Variants in GPC5 observed in about 807,000 individuals in gnomAD.
GPC5 encodes the protein glypican-5.
GPC5 carries 47 observed loss-of-function variants against 53.9 expected under a neutral mutation model. That is an observed-to-expected ratio of 0.87 (90% CI 0.69 to 1.11). The LOEUF (loss-of-function observed/expected upper bound fraction) is 1.11, where lower values mean the gene tolerates loss of function less well. Ranked by LOEUF, GPC5 falls within the 50% of genes most tolerant of loss-of-function variation. GPC5 has a pLI of 0.00. For missense variants in GPC5, 748 were observed against 713.1 expected, an observed-to-expected ratio of 1.05 and a Z score of -0.56; for synonymous variants, 286 against 263.3, an observed-to-expected ratio of 1.09 and a Z score of -0.84.
chr13:91,512,893 C>T (rs545193270), intron 2 of GPC5, among the ~76,000 whole-genome samples: 1 of 152,228 alleles, frequency 6.6e-6, no homozygotes, highest in African/African-American at 2.4e-5. Context: ...GCTTATCCAG[C>T]TTGGTTCTCA....
intron 6 of GPC5, among the ~76,000 whole-genome samples, chr13:92,118,780 T>G (rs2041621271): frequency 6.6e-6 from 1 of 152,222 alleles, no homozygotes; most frequent in South Asian, 2.1e-4. Context: ...TCAATTTCAA[T>G]CAGTAGGAGA....
intron 7 of GPC5, chr13:92,721,726 A>G (rs1388965363): frequency 2.0e-5 from 3 of 152,048 alleles, no homozygotes; most frequent in African/African-American, 7.2e-5. Flanking sequence ...TGGGGAAAAT[A>G]CTTTCCAGTG....
At chr13:92,765,173 G>A (rs1255172963) in intron 7 of GPC5, among the ~76,000 whole-genome samples, 1 of 152,072 alleles carries the variant, frequency 6.6e-6, no homozygotes, top group African/African-American at 2.4e-5. Flanking sequence ...TTAATAAGCT[G>A]CCACGTAGAA....
chr13:91,764,527 G>C (rs942700906), intron 5 of GPC5, among the ~76,000 whole-genome samples: 1 of 152,108 alleles, frequency 6.6e-6, no homozygotes, highest in African/African-American at 2.4e-5. Context: ...CACTATTAGT[G>C]CCTGAAGGCT....
chr13:92,398,920 C>G (rs1354084492), intron 7 of GPC5, among the ~76,000 whole-genome samples: 1 of 152,168 alleles, frequency 6.6e-6, no homozygotes, highest in Non-Finnish European at 1.5e-5. Context: ...CCTTTCCATC[C>G]TAACCTAGAT....
At chr13:92,174,520 G>A (rs2042094882) in intron 7 of GPC5, among the ~76,000 whole-genome samples, 1 of 149,360 alleles carries the variant, frequency 6.7e-6, no homozygotes, top group African/African-American at 2.5e-5. Flanking sequence ...AGGCGACAGA[G>A]CGAGATTCCA....
chr13:92,499,129 G>C (rs1193234018), intron 7 of GPC5, among the ~76,000 whole-genome samples: 1 of 152,040 alleles, frequency 6.6e-6, no homozygotes, highest in African/African-American at 2.4e-5. Flanking sequence ...GTAAGAATAG[G>C]ACTCATACAA....
At chr13:92,743,512 A>G (rs1249972524) in intron 7 of GPC5, among the ~76,000 whole-genome samples, 1 of 152,160 alleles carries the variant, frequency 6.6e-6, no homozygotes, top group East Asian at 1.9e-4. Flanking sequence ...TTCTAGATAT[A>G]CAATCATGTC....
intron 7 of GPC5, among the ~76,000 whole-genome samples, chr13:92,362,102 G>A (rs2043572429): frequency 6.6e-6 from 1 of 151,660 alleles, no homozygotes; most frequent in Non-Finnish European, 1.5e-5. Flanking sequence ...AAGTCATACA[G>A]ATAATTAAAC....
In GPC5 at chr13:92,291,029, T is replaced by C. The variant is rs1345154913; in HGVS notation, c.1561+146040T>C. ...CCCAGGTAGTGAGGGGTTTAGCACC[T>C]GGGCCAGCAGCTGCTGTGCTCAATT... On this transcript the variant is annotated intron_variant, in intron 7 of 7. Coordinates refer to ENST00000377067, the MANE Select transcript of GPC5 (RefSeq NM_004466.6). Among the ~76,000 whole-genome samples the C allele has an allele frequency of 2.6e-5, 4 of 152,268 alleles. No homozygotes were observed. In the East Asian group the frequency reaches 7.8e-4, roughly 30 times the overall value.
chr13:91,431,727 C>G (rs1879466088), intron 1 of GPC5, among the ~76,000 whole-genome samples: 2 of 152,176 alleles, frequency 1.3e-5, no homozygotes, highest in South Asian at 4.1e-4. Flanking sequence ...AAGTGCTTCT[C>G]CCATGGACGG....
At chr13:92,615,588 A>G (rs913974602) in intron 7 of GPC5, among the ~76,000 whole-genome samples, 1 of 152,228 alleles carries the variant, frequency 6.6e-6, no homozygotes, top group Non-Finnish European at 1.5e-5. Flanking sequence ...ATAAACATCT[A>G]GAGTAAAATT....
intron 6 of GPC5, among the ~76,000 whole-genome samples, chr13:91,909,819 C>A (rs1412312641): frequency 6.6e-6 from 1 of 152,050 alleles, no homozygotes; most frequent in Non-Finnish European, 1.5e-5. Flanking sequence ...GCCCATTCAG[C>A]AAAACACCAC....
At chr13:91,579,090 A>G (rs2032249820) in intron 2 of GPC5, among the ~76,000 whole-genome samples, 2 of 152,200 alleles carry the variant, frequency 1.3e-5, no homozygotes, top group Admixed American at 6.5e-5. Context: ...TTACTTTGGA[A>G]AAGAAAACAG....
intron 7 of GPC5, among the ~76,000 whole-genome samples, chr13:92,524,999 G>A (rs1261493812): frequency 6.6e-6 from 1 of 152,076 alleles, no homozygotes; most frequent in Non-Finnish European, 1.5e-5. Flanking sequence ...GAAAGGTTGA[G>A]TGGGGCTTAT....
intron 4 of GPC5, among the ~76,000 whole-genome samples, chr13:91,755,517 A>G (rs1199452642): frequency 6.6e-6 from 1 of 152,080 alleles, no homozygotes; most frequent in Non-Finnish European, 1.5e-5. Context: ...GTTAAAACTC[A>G]AGTTCTTGGT....
chr13:91,709,722 G>A (rs2036186062), intron 3 of GPC5, among the ~76,000 whole-genome samples: 1 of 152,138 alleles, frequency 6.6e-6, no homozygotes, highest in South Asian at 2.1e-4. Flanking sequence ...ATGCCCAAAG[G>A]CAAGAGACTG....
intron 6 of GPC5, among the ~76,000 whole-genome samples, chr13:92,090,886 T>C (rs890596862): frequency 6.6e-6 from 1 of 152,228 alleles, no homozygotes; most frequent in African/African-American, 2.4e-5. Context: ...GTTAAGATCA[T>C]GTGCATCTCC....
At chr13:92,384,875 T>C (rs2043779360) in intron 7 of GPC5, among the ~76,000 whole-genome samples, 1 of 152,098 alleles carries the variant, frequency 6.6e-6, no homozygotes, top group Non-Finnish European at 1.5e-5. Context: ...CTAAAATTGC[T>C]AGATATATAT....
Sources: gnomAD v4.1 joint callset for allele counts (sites outside exome capture counted in the v4.1 genomes callset) on GRCh38, gnomAD v4.1.1 for gene constraint, MANE v1.5 for transcripts, NCBI Gene and HGNC (gene_info 2026-07-23, HGNC 2026-07-21) for gene names.